The following CACNA1H variants were observed in gnomAD, a reference collection of about 807,000 sequenced individuals.
CACNA1H encodes the protein calcium voltage-gated channel subunit alpha1 H.
CACNA1H carries 149 observed loss-of-function variants against 192.5 expected under a neutral mutation model. The observed-to-expected ratio is 0.77, with a 90% CI of 0.68 to 0.89. The LOEUF (loss-of-function observed/expected upper bound fraction) is 0.89. CACNA1H is among the 40% of genes least tolerant of loss of function. The probability of loss-of-function intolerance (pLI) is 0.00; values close to 1 mark genes in which losing one functional copy is unlikely to be tolerated. For missense variants in CACNA1H, 4,257 were observed against 3,423.5 expected, an observed-to-expected ratio of 1.24 and a Z score of -6.08; for synonymous variants, 2,202 against 1,475.2, an observed-to-expected ratio of 1.49 and a Z score of -11.29.
rs1000114902 is a variant in CACNA1H at position 1,213,830 on chromosome 16, A to G, written c.4828A>G (p.Ile1610Val). 2.5e-6 allele frequency: 4 copies of G among 1,595,956 alleles called. No homozygotes were observed. The highest frequency in any genetic ancestry group is 4.5e-5 in the East Asian group (2 of 44,126). The change falls in exon 27 of 35, where the codon ATT (isoleucine) becomes GTT (valine). Residue 1610 changes from isoleucine to valine, a missense_variant. Physicochemically the swap from Ile to Val is conservative, Grantham distance 29. Transcript: ENST00000348261. ...YADYSPTRRS[I>V]HSLCTSHYLD... ...CGACTACTCGCCCACGCGCCGCTCC[A>G]TTCACTCGCTGTGCACCAGCCACTA...
chr16:1,206,557 T>C (rs1567526970), intron 12 of CACNA1H: 4 of 506,420 alleles, frequency 7.9e-6, no homozygotes, highest in Non-Finnish European at 1.4e-5. Context: ...AAGAGCAGAA[T>C]ACCGGGGGTG....
intron 2 of CACNA1H, among the ~76,000 whole-genome samples, chr16:1,155,298 C>T (rs1474892295): frequency 1.3e-5 from 2 of 152,224 alleles, no homozygotes; most frequent in African/African-American, 4.8e-5. Flanking sequence ...GCGGCCTAGG[C>T]CTCTGTAGCC....
At position 1,153,930 on chromosome 16, in the gene CACNA1H, G is replaced by T; in HGVS notation, c.193G>T (p.Asp65Tyr). 1 of 1,456,982 alleles carries T rather than the reference G, an allele frequency of 6.9e-7. No individual in the cohort carries two copies. Among genetic ancestry groups the T allele is most frequent in the Admixed American group, 2.4e-5 (1 of 41,900 alleles). The allele number at this position is 1,456,982 out of a possible 1,614,324, so 90.3% of individuals were successfully genotyped here. Reference sequence around the variant, plus strand: ...CGAGCGCGGCGCGGAGCTGGGTGCCGACGAGGAGCAGCGCGTCCCGTACCC... The same window carrying T: ...CGAGCGCGGCGCGGAGCTGGGTGCCTACGAGGAGCAGCGCGTCCCGTACCC... ...AAERGAELGA[D>Y]EEQRVPYPAL... The change falls in exon 2 of 35, where the codon GAC becomes TAC. Residue 65 changes from aspartate to tyrosine, a missense_variant. Transcript: ENST00000348261.
At chr16:1,190,224 G>A (rs370392503) in intron 2 of CACNA1H, among the ~76,000 whole-genome samples, 61 of 152,364 alleles carry the variant, frequency 4.0e-4, no homozygotes, top group Non-Finnish European at 5.6e-4. Context: ...TCCCGGCTAC[G>A]TTGGCCTGCT....
intron 27 of CACNA1H, among the ~76,000 whole-genome samples, chr16:1,214,759 C>T (rs181914540): frequency 2.0e-5 from 3 of 152,126 alleles, no homozygotes; most frequent in Admixed American, 6.5e-5. Context: ...GTACCTTTCA[C>T]TCATTCACCT....
At chr16:1,194,921 T>G (rs1567493003) in intron 2 of CACNA1H, 51 bp from the exon 3 acceptor site, 1 of 1,383,080 alleles carries the variant, frequency 7.2e-7, no homozygotes, top group East Asian at 2.3e-5. Flanking sequence ...GAGGGCCCCA[T>G]GGGAGCGGGT....
intron 9 of CACNA1H, 32 bp downstream of exon 9, chr16:1,202,484 C>T (rs1367168130): frequency 6.9e-6 from 10 of 1,454,298 alleles, no homozygotes; most frequent in South Asian, 1.4e-5. Flanking sequence ...ACGGAGGAGG[C>T]GGTGGGACCT....
In CACNA1H at chr16:1,167,254, G is replaced by A. The variant is rs2151685099; in HGVS notation, c.299+13218G>A. ...CCTGTGGGGTATGGGCCTCCTGTCA[G>A]CAGCCCGTCCCGGTGGGTGGGGCTT... is the stretch of plus-strand genomic sequence containing the variant. On this transcript the variant is annotated intron_variant, in intron 2 of 34. Transcript: ENST00000348261. The surrounding 1 kb of genome is among the most constrained non-coding windows in gnomAD (Gnocchi z 4.2). Among the ~76,000 whole-genome samples the A allele has an allele frequency of 6.6e-6, 1 of 152,184 alleles. No individual in the cohort carries two copies. The highest frequency in any genetic ancestry group is 1.9e-4 in the East Asian group (1 of 5,178).
rs535527234 is a variant in CACNA1H at position 1,197,348 on chromosome 16, C to G, written c.644-1267C>G. Among the ~76,000 whole-genome samples, 8 of 152,346 alleles carry G rather than the reference C, an allele frequency of 5.3e-5. No individual in the cohort carries two copies. In the East Asian group the frequency reaches 1.5e-3, roughly 29 times the overall value. ...GCACCCACTGTACGTTCAGTCTGCA[C>G]GCCGGCCTGGCCCCACCTGTTGAAG... On this transcript the variant is annotated intron_variant, in intron 5 of 34. Transcript: ENST00000348261.
At chr16:1,190,143 C>T (rs944556465) in intron 2 of CACNA1H, among the ~76,000 whole-genome samples, 4 of 152,206 alleles carry the variant, frequency 2.6e-5, no homozygotes, top group African/African-American at 7.2e-5. Flanking sequence ...CGCCACTGCC[C>T]GGCCCTTCCC....
intron 2 of CACNA1H, among the ~76,000 whole-genome samples, chr16:1,193,913 C>T (rs1384707295): frequency 1.3e-5 from 2 of 152,120 alleles, no homozygotes; most frequent in Admixed American, 6.5e-5. Flanking sequence ...AGCTGCCCTT[C>T]CTGTGATCCC....
rs747026006 is a variant in CACNA1H, at chr16:1,195,428, G to T, written c.412-4G>T. 1.3e-6 allele frequency: 2 copies of T among 1,551,784 alleles called. No homozygotes were observed. Among genetic ancestry groups the T allele is most frequent in the African/African-American group, 1.4e-5 (1 of 73,158 alleles). ...ACGGGCCCTCCTGATGCCTCCTCCC[G>T]CAGGCCTTTGACGCCTTCATTTTCG... is the stretch of plus-strand genomic sequence containing the variant. On this transcript the variant is annotated splice_region_variant and splice_polypyrimidine_tract_variant and intron_variant, in intron 3 of 34. Coordinates refer to ENST00000348261, the MANE Select transcript of CACNA1H (RefSeq NM_021098.3).
chr16:1,190,651 C>G (rs190589948), intron 2 of CACNA1H, among the ~76,000 whole-genome samples: 6 of 152,326 alleles, frequency 3.9e-5, no homozygotes, highest in African/African-American at 9.6e-5. Flanking sequence ...CTCCTTGGGG[C>G]CCCCCAGACC....
At chr16:1,195,861 C>A (rs1233009738) in intron 4 of CACNA1H, 65 bp from the exon 5 acceptor site, 1 of 1,295,046 alleles carries the variant, frequency 7.7e-7, no homozygotes, top group East Asian at 2.3e-5. Flanking sequence ...CTACTTTGCA[C>A]CCCAGCCCCA....
chr16:1,198,718 C>G lies in CACNA1H; in HGVS notation c.747C>G (p.Val249=). 3.7e-6 allele frequency: 6 copies of G among 1,613,296 alleles called. No homozygotes were observed. The highest frequency in any genetic ancestry group is 5.1e-6 in the Non-Finnish European group (6 of 1,179,614). The change falls in exon 6 of 35, where the codon GTC becomes GTG. Residue 249 remains valine (V), a synonymous_variant. Transcript: ENST00000348261. The part of the protein sequence containing the change: ...FVFFIFGIVG[V]QLWAGLLRNR... Reference sequence around the variant, plus strand: ...TCTTCATTTTCGGCATCGTTGGCGTCCAGCTCTGGGCTGGCCTCCTGCGGA... The same window carrying G: ...TCTTCATTTTCGGCATCGTTGGCGTGCAGCTCTGGGCTGGCCTCCTGCGGA...
chr16:1,183,244 T>A (rs1292519695), intron 2 of CACNA1H, among the ~76,000 whole-genome samples: 1 of 151,920 alleles, frequency 6.6e-6, no homozygotes, highest in East Asian at 1.9e-4. Context: ...CCCTGACGGG[T>A]TCTATTGCGT....
rs757286227 is a variant in CACNA1H at position 1,209,203 on chromosome 16, G to A, written c.3535G>A (p.Ala1179Thr). The A allele has an allele frequency of 1.3e-6, 2 of 1,550,988 alleles. No individual in the cohort carries two copies. Among genetic ancestry groups the A allele is most frequent in the Non-Finnish European group, 8.7e-7 (1 of 1,148,686 alleles). The change falls in exon 17 of 35, where the codon GCT (alanine) becomes ACT (threonine). Residue 1179 changes from alanine to threonine, a missense_variant. By Grantham distance (58) the Ala-to-Thr change is moderately conservative (BLOSUM62 0). Transcript: ENST00000348261. ...GGGCAAGGGCAGCACCGACGACGAAGCTGAGGACGGCAGGGCCGCGCCCGG... is the reference window on the plus strand; with the variant it reads ...GGGCAAGGGCAGCACCGACGACGAAACTGAGGACGGCAGGGCCGCGCCCGG... The part of the protein sequence containing the change: ...GEGKGSTDDE[A>T]EDGRAAPGPR...
chr16:1,178,375 C>G (rs1965128706), intron 2 of CACNA1H, among the ~76,000 whole-genome samples: 1 of 149,206 alleles, frequency 6.7e-6, no homozygotes, highest in Admixed American at 6.7e-5. Flanking sequence ...AGTCCTAACC[C>G]ACCCCCGAGT....
Position 1,209,015 on chromosome 16 carries a change from C to T in CACNA1H, c.3364-17C>T, listed in dbSNP as rs1328304139. On this transcript the variant is annotated splice_polypyrimidine_tract_variant and intron_variant, in intron 16 of 34. Transcript: ENST00000348261. ...AATAGTGATGCCACCAGGTCACTGA[C>T]TCCCGCCACCCCCCAGGCCAGCCTC... The T allele has an allele frequency of 2.4e-5, 35 of 1,480,760 alleles. No homozygotes were observed. Among genetic ancestry groups the T allele is most frequent in the Non-Finnish European group, 2.6e-5 (29 of 1,124,230 alleles). 91.7% of individuals were successfully genotyped at this position (1,480,760 alleles called of 1,614,324 possible).
Sources: allele counts gnomAD v4.1 joint callset (sites outside exome capture counted in the v4.1 genomes callset), GRCh38; gene constraint gnomAD v4.1.1; non-coding constraint Gnocchi (gnomAD v3.1); transcripts MANE v1.5; gene names NCBI Gene and HGNC (gene_info 2026-07-23, HGNC 2026-07-21).